The following GABRB1 variants were observed in gnomAD, a reference collection of about 807,000 sequenced individuals.
GABRB1 encodes gamma-aminobutyric acid type A receptor subunit beta1, also known as gamma-aminobutyric acid receptor subunit beta-1.
A neutral mutation model predicts 51.6 loss-of-function variants in GABRB1; 17 were observed. The ratio of observed to expected loss-of-function variants is 0.33; its 90% CI spans 0.23 to 0.49. GABRB1 has a LOEUF of 0.49. Ranked by LOEUF, GABRB1 falls within the 20% of genes least tolerant of loss-of-function variation. The probability of loss-of-function intolerance (pLI) is 0.99; values close to 1 mark genes in which losing one functional copy is unlikely to be tolerated. For missense variants in GABRB1, 410 were observed against 600.6 expected (o/e 0.68, Z 3.32); for synonymous variants, 247 against 218.9 (o/e 1.13, Z -1.14).
chr4:47,366,440 A>C (rs1480902631), intron 5 of GABRB1, among the ~76,000 whole-genome samples: 1 of 152,216 alleles, frequency 6.6e-6, no homozygotes, highest in Non-Finnish European at 1.5e-5. Context: ...CACTGCAGCC[A>C]GATACATTTC....
intron 3 of GABRB1, among the ~76,000 whole-genome samples, chr4:47,134,739 G>A (rs1207787514): frequency 1.3e-5 from 2 of 152,118 alleles, no homozygotes; most frequent in African/African-American, 4.8e-5. Flanking sequence ...TAGTACAGTA[G>A]GTGGAAAAGG....
intron 5 of GABRB1, among the ~76,000 whole-genome samples, chr4:47,352,102 C>G (rs1473662129): frequency 1.3e-5 from 2 of 152,152 alleles, no homozygotes; most frequent in African/African-American, 2.4e-5. Flanking sequence ...GATTGCCATT[C>G]TAACTGGTGT....
chr4:47,329,045 A>G (rs1725362387), intron 5 of GABRB1, among the ~76,000 whole-genome samples: 1 of 152,186 alleles, frequency 6.6e-6, no homozygotes, highest in Non-Finnish European at 1.5e-5. Context: ...GTAAAGCACT[A>G]CATTAACAAC....
At chr4:47,424,332 T>C (rs532386738) in intron 8 of GABRB1, among the ~76,000 whole-genome samples, 1 of 152,230 alleles carries the variant, frequency 6.6e-6, no homozygotes, top group Non-Finnish European at 1.5e-5. Context: ...CTCATTTGCC[T>C]TATCTATAAA....
At chr4:47,002,558 C>T (rs1360777613) in intron 1 of GABRB1, among the ~76,000 whole-genome samples, 1 of 151,990 alleles carries the variant, frequency 6.6e-6, no homozygotes, top group Non-Finnish European at 1.5e-5. Flanking sequence ...AAGTAAAGCA[C>T]AATAGCAGAA....
intron 4 of GABRB1, among the ~76,000 whole-genome samples, chr4:47,279,531 C>T (rs1723200060): frequency 6.6e-6 from 1 of 152,032 alleles, no homozygotes; most frequent in Non-Finnish European, 1.5e-5. Flanking sequence ...CCCTTTGATC[C>T]ACCTTCCATC....
intron 4 of GABRB1, among the ~76,000 whole-genome samples, chr4:47,262,565 G>A (rs1387133318): frequency 2.6e-5 from 4 of 152,156 alleles, no homozygotes; most frequent in Non-Finnish European, 5.9e-5. Context: ...AGAGGATGTG[G>A]AGAAATAGGA....
intron 3 of GABRB1, among the ~76,000 whole-genome samples, chr4:47,093,416 G>A (rs529650830): frequency 2.0e-5 from 3 of 152,136 alleles, no homozygotes; most frequent in South Asian, 2.1e-4. Context: ...TAATCAATGA[G>A]CAATGTTCTC....
chr4:47,087,838 G>A (rs778607779), intron 3 of GABRB1, among the ~76,000 whole-genome samples: 4 of 152,208 alleles, frequency 2.6e-5, no homozygotes, highest in East Asian at 3.9e-4. Context: ...ATTATTTGAG[G>A]AAATAATGAG....
intron 3 of GABRB1, among the ~76,000 whole-genome samples, chr4:47,145,126 T>C (rs1307612652): frequency 2.6e-5 from 4 of 152,052 alleles, no homozygotes; most frequent in South Asian, 4.1e-4. Context: ...AAATATTGAG[T>C]ATCTCTTTGT....
At chr4:47,382,621 T>G (rs1320291192) in intron 5 of GABRB1, among the ~76,000 whole-genome samples, 1 of 152,186 alleles carries the variant, frequency 6.6e-6, no homozygotes, top group Non-Finnish European at 1.5e-5. Context: ...CATGGAACTC[T>G]GTACTTCCAT....
At chr4:47,013,546 C>A (rs1311457691) in intron 1 of GABRB1, among the ~76,000 whole-genome samples, 3 of 152,116 alleles carry the variant, frequency 2.0e-5, no homozygotes, top group Admixed American at 1.3e-4. Flanking sequence ...AAATGTCCAA[C>A]CTGATAATGC....
intron 3 of GABRB1, among the ~76,000 whole-genome samples, chr4:47,126,414 A>T (rs890537203): frequency 1.3e-5 from 2 of 152,164 alleles, no homozygotes; most frequent in Non-Finnish European, 2.9e-5. Flanking sequence ...GATTATAAGT[A>T]TTCTCACCAC....
At chr4:47,342,990 C>T (rs1258500318) in intron 5 of GABRB1, among the ~76,000 whole-genome samples, 1 of 152,026 alleles carries the variant, frequency 6.6e-6, no homozygotes, top group African/African-American at 2.4e-5. Context: ...GATTCCATCA[C>T]GCTGGCTGAT....
intron 3 of GABRB1, among the ~76,000 whole-genome samples, chr4:47,071,446 C>T (rs12508437): frequency 0.033 from 4,981 of 152,120 alleles, 390 homozygotes; most frequent in East Asian, 0.17. Flanking sequence ...TTCCTGATTC[C>T]TCACTCTCCC....
rs532498991 is a variant in GABRB1 at position 47,302,971 on chromosome 4, T to C, written c.462-17156T>C. ...ATGTATCATTTCCCTTGTTAAGAAG[T>C]ACATTTTTTAACTTTAACAATGTAT... On this transcript the variant is annotated intron_variant, in intron 4 of 8. Coordinates refer to ENST00000295454, the MANE Select transcript of GABRB1 (RefSeq NM_000812.4). Among the ~76,000 whole-genome samples, 15 of 152,144 alleles carry C rather than the reference T, an allele frequency of 9.9e-5. No homozygotes were observed. In the East Asian group the frequency reaches 2.9e-3, roughly 29 times the overall value.
At chr4:47,361,867 G>T (rs1726819224) in intron 5 of GABRB1, among the ~76,000 whole-genome samples, 1 of 152,108 alleles carries the variant, frequency 6.6e-6, no homozygotes, top group African/African-American at 2.4e-5. Context: ...ATCAACTGGG[G>T]TTGTCAAGTG....
At chr4:47,275,328 T>G (rs1723034602) in intron 4 of GABRB1, among the ~76,000 whole-genome samples, 1 of 152,066 alleles carries the variant, frequency 6.6e-6, no homozygotes, top group South Asian at 2.1e-4. Flanking sequence ...AAGGGTTAAA[T>G]TAGGAGAGGC....
chr4:47,020,878 C>A (rs1292664624), intron 1 of GABRB1, among the ~76,000 whole-genome samples: 5 of 152,158 alleles, frequency 3.3e-5, no homozygotes, highest in Non-Finnish European at 7.4e-5. Context: ...CTCTGACTCA[C>A]CTCCTGTTAC....
Sources: allele counts gnomAD v4.1 joint callset (sites outside exome capture counted in the v4.1 genomes callset), GRCh38; gene constraint gnomAD v4.1.1; transcripts MANE v1.5; gene names NCBI Gene and HGNC (gene_info 2026-07-23, HGNC 2026-07-21).